Variants in ACTR3B observed in about 807,000 individuals in gnomAD.
ACTR3B encodes actin-related protein 3B.
In ACTR3B, 8 loss-of-function variants were observed where a neutral mutation model predicts 59.0. The ratio of observed to expected loss-of-function variants is 0.14; its 90% CI spans 0.08 to 0.24. ACTR3B has a LOEUF of 0.24. Ranked by LOEUF, ACTR3B falls within the 10% of genes least tolerant of loss-of-function variation. The probability of loss-of-function intolerance (pLI) is 1.00; values close to 1 mark genes in which losing one functional copy is unlikely to be tolerated. For synonymous variants in ACTR3B, 148 were observed against 197.9 expected (o/e 0.75, Z 2.12); for missense variants, 245 against 552.3 (o/e 0.44, Z 5.58).
intron 9 of ACTR3B, among the ~76,000 whole-genome samples, chr7:152,845,852 C>G (rs1270637869): frequency 6.6e-6 from 1 of 152,152 alleles, no homozygotes; most frequent in Non-Finnish European, 1.5e-5. Context: ...TGAGCATTTT[C>G]TTAAGTGAAA....
chr7:152,845,183 A>G (rs1463321357), intron 9 of ACTR3B, among the ~76,000 whole-genome samples: 1 of 151,446 alleles, frequency 6.6e-6, no homozygotes, highest in Non-Finnish European at 1.5e-5. Context: ...TATACAGTAT[A>G]TGCTGGGTAA....
At chr7:152,797,674 T>C (rs1278118238) in intron 2 of ACTR3B, among the ~76,000 whole-genome samples, 1 of 152,182 alleles carries the variant, frequency 6.6e-6, no homozygotes, top group Non-Finnish European at 1.5e-5. Flanking sequence ...CAACATCTCC[T>C]TGTCCTTCCC....
rs773201225 is a variant in ACTR3B, at chr7:152,854,505, C to T, written c.1209C>T (p.Tyr403=). ...VCHTKKDYEE[Y]GPSICRHNPV... Reference sequence around the variant, plus strand: ...ACACCAAGAAGGACTATGAAGAGTACGGGCCCAGCATCTGCCGCCACAACC... The same window carrying T: ...ACACCAAGAAGGACTATGAAGAGTATGGGCCCAGCATCTGCCGCCACAACC... Residue 403 remains tyrosine, a synonymous_variant, in exon 12 of 12, where the codon TAC becomes TAT. Transcript: ENST00000256001. This position sits in a 1 kb window ranked among gnomAD's most constrained non-coding sequence, Gnocchi z 4.9. 1.6e-5 allele frequency: 26 copies of T among 1,613,994 alleles called. No homozygotes were observed. Among genetic ancestry groups the T allele is most frequent in the African/African-American group, 4.0e-5 (3 of 74,890 alleles).
At chr7:152,807,865 A>T (rs1259159709) in intron 4 of ACTR3B, among the ~76,000 whole-genome samples, 1 of 151,984 alleles carries the variant, frequency 6.6e-6, no homozygotes, top group East Asian at 1.9e-4. Context: ...GTTTTTACTT[A>T]ACTTTTTTTT....
chr7:152,827,812 T>G (rs1444778503), intron 9 of ACTR3B, among the ~76,000 whole-genome samples: 1 of 152,140 alleles, frequency 6.6e-6, no homozygotes, highest in Non-Finnish European at 1.5e-5. Flanking sequence ...AGTATGGGTC[T>G]TGATGACTAA....
intron 1 of ACTR3B, among the ~76,000 whole-genome samples, chr7:152,780,444 G>T (rs1356995088): frequency 6.6e-6 from 1 of 151,058 alleles, no homozygotes; most frequent in Non-Finnish European, 1.5e-5. Flanking sequence ...TAAGGTACCC[G>T]TGTGACTTTG....
intron 9 of ACTR3B, among the ~76,000 whole-genome samples, chr7:152,834,509 AG>A (rs1252216663): frequency 6.6e-6 from 1 of 152,246 alleles, no homozygotes; most frequent in Admixed American, 6.5e-5. Flanking sequence ...AACTGTAAAT[AG>A]GTAGATAGAT....
chr7:152,791,880 C>T (rs1397360510), intron 2 of ACTR3B, among the ~76,000 whole-genome samples: 2 of 152,116 alleles, frequency 1.3e-5, no homozygotes, highest in African/African-American at 4.8e-5. Context: ...AGCAGTAATG[C>T]TACTACTCAT....
At chr7:152,779,779 T>A (rs1049840118) in intron 1 of ACTR3B, among the ~76,000 whole-genome samples, 1 of 152,208 alleles carries the variant, frequency 6.6e-6, no homozygotes, top group African/African-American at 2.4e-5. Flanking sequence ...AGATTGTCAT[T>A]GAAGTTAGTG....
intron 1 of ACTR3B, among the ~76,000 whole-genome samples, chr7:152,767,935 T>C (rs2966526): frequency 2.6e-5 from 4 of 152,194 alleles, no homozygotes; most frequent in Non-Finnish European, 5.9e-5. Flanking sequence ...AAACTTGTCA[T>C]TGGGCCTGGC....
At chr7:152,791,625 T>C (rs999077404) in intron 2 of ACTR3B, among the ~76,000 whole-genome samples, 11 of 152,200 alleles carry the variant, frequency 7.2e-5, no homozygotes, top group African/African-American at 2.7e-4. Flanking sequence ...TGTATAGTTC[T>C]ATGTCATTGT....
intron 3 of ACTR3B, 85 bp downstream of exon 3, chr7:152,800,740 C>A: frequency 1.4e-6 from 2 of 1,473,846 alleles, no homozygotes; most frequent in South Asian, 1.3e-5. Context: ...GTTGTATTTG[C>A]GAGTTGTAGA....
At chr7:152,802,977 A>G (rs1003868321) in intron 4 of ACTR3B, among the ~76,000 whole-genome samples, 103 of 152,328 alleles carry the variant, frequency 6.8e-4, no homozygotes, top group African/African-American at 2.4e-3. Context: ...AAGTATGGCT[A>G]CTGCATTTCA....
At chr7:152,826,859 G>A (rs1232244114) in intron 9 of ACTR3B, among the ~76,000 whole-genome samples, 5 of 150,286 alleles carry the variant, frequency 3.3e-5, no homozygotes, top group African/African-American at 1.2e-4. Context: ...AAAAGGTGGC[G>A]AAAGGCGCCT....
chr7:152,784,123 A>G (rs2098163964), intron 2 of ACTR3B, among the ~76,000 whole-genome samples: 1 of 152,154 alleles, frequency 6.6e-6, no homozygotes, highest in Admixed American at 6.5e-5. Flanking sequence ...CCCTGGAACT[A>G]TCTGTATTTC....
chr7:152,838,989 C>CGGT (rs1360030458), intron 9 of ACTR3B, among the ~76,000 whole-genome samples: 4 of 151,824 alleles, frequency 2.6e-5, no homozygotes, highest in Non-Finnish European at 5.9e-5. Context: ...AAAAGATGAC[C>CGGT]GGTGAGAAAT....
chr7:152,759,920 G>A lies in ACTR3B; in HGVS notation c.38G>A (p.Gly13Asp). ...CTGCCTCCCTGCGTGGTGGACTGTGGCACCGGGTAAGAGCAGCTCGGCGCC... is the reference window on the plus strand; with the variant it reads ...CTGCCTCCCTGCGTGGTGGACTGTGACACCGGGTAAGAGCAGCTCGGCGCC... Reference protein sequence around the residue: ...GSLPPCVVDCGTGYTKLGYAG... With the variant: ...GSLPPCVVDCDTGYTKLGYAG... Residue 13 changes from glycine (G) to aspartate (D), a missense_variant, in exon 1 of 12, where the codon GGC becomes GAC. Physicochemically the swap from Gly to Asp is moderately conservative, Grantham distance 94 (BLOSUM62 -1). This residue lies in a region of ACTR3B where 15 missense variants were observed against 20.6 expected (regional missense o/e 0.73). Transcript: ENST00000256001. The A allele has an allele frequency of 7.2e-7, 1 of 1,396,616 alleles. No individual in the cohort carries two copies. Among genetic ancestry groups the A allele is most frequent in the Non-Finnish European group, 9.4e-7 (1 of 1,067,178 alleles). The allele number at this position is 1,396,616 out of a possible 1,614,324, so 86.5% of individuals were successfully genotyped here. A position where few individuals can be genotyped will look rare whatever the true frequency, so the allele number is the denominator to read the frequency against.
In ACTR3B at chr7:152,803,810, A is replaced by G. The variant is rs1175714196; in HGVS notation, c.336+2079A>G. 2.0e-5 allele frequency among the ~76,000 whole-genome samples: 3 copies of G among 152,248 alleles called. No homozygotes were observed. In the South Asian group the frequency reaches 6.2e-4, roughly 32 times the overall value. On this transcript the variant is annotated intron_variant, in intron 4 of 11. Transcript: ENST00000256001. ...AACAATCAGGTTTATTATTAAAAAGATAAGAAAATATCGTATTACATGTGT... is the reference window on the plus strand; with the variant it reads ...AACAATCAGGTTTATTATTAAAAAGGTAAGAAAATATCGTATTACATGTGT...
At position 152,843,485 on chromosome 7, in the gene ACTR3B, C is replaced by T. The variant is rs193161708; in HGVS notation, c.952-8641C>T. ...GTATCTTGATGACTTTGTCTAAAAT[C>T]ATTTGACCACATATGCATAGCACTG... is the stretch of plus-strand genomic sequence containing the variant. On this transcript the variant is annotated intron_variant, in intron 9 of 11. Transcript: ENST00000256001. Among the ~76,000 whole-genome samples, 21 of 152,296 alleles carry T rather than the reference C, an allele frequency of 1.4e-4. 1 individual carries two copies. The East Asian group carries it at 3.9e-3, about 28-fold the overall frequency.
Sources: allele counts gnomAD v4.1 joint callset (sites outside exome capture counted in the v4.1 genomes callset), GRCh38; gene constraint gnomAD v4.1.1; regional missense constraint gnomAD v4.1.1; non-coding constraint Gnocchi (gnomAD v3.1); transcripts MANE v1.5; gene names NCBI Gene and HGNC (gene_info 2026-07-23, HGNC 2026-07-21).